PLCH1: variants seen among roughly 807,000 people sequenced by gnomAD.
The protein encoded by PLCH1 is 1-phosphatidylinositol 4,5-bisphosphate phosphodiesterase eta-1.
PLCH1 carries 60 observed loss-of-function variants against 126.7 expected under a neutral mutation model. The observed-to-expected ratio is 0.47, with a 90% confidence interval of 0.38 to 0.59. PLCH1 has a LOEUF of 0.59. Among genes scored for constraint, PLCH1 ranks in the 20% least tolerant of loss-of-function variants. PLCH1 has a pLI of 0.00. For synonymous variants in PLCH1, 719 were observed against 734.9 expected (o/e 0.98, Z 0.35); for missense variants, 1,723 against 2,040.0 (o/e 0.84, Z 2.99).
intron 12 of PLCH1, among the ~76,000 whole-genome samples, chr3:155,513,710 TG>T (rs1719922832): frequency 6.6e-6 from 1 of 152,224 alleles, no homozygotes; most frequent in African/African-American, 2.4e-5. Context: ...ATTGACCTTT[TG>T]GTTGTCTCCC....
chr3:155,526,484 T>TACACACACACACACACACA (rs774024945), intron 10 of PLCH1, among the ~76,000 whole-genome samples: 1 of 94,294 alleles, frequency 1.1e-5, no homozygotes, highest in Non-Finnish European at 2.4e-5. Flanking sequence ...TTTCTCTCTC[T>TACACACACACACACACACA]CTCATACACA....
rs750390420 is a variant in PLCH1, at chr3:155,481,199, G to C, written c.4827C>G (p.Asn1609Lys). 1.2e-6 allele frequency: 2 copies of C among 1,614,236 alleles called. No individual in the cohort carries two copies. Among genetic ancestry groups the C allele is most frequent in the South Asian group, 2.2e-5 (2 of 91,088 alleles). ...PSNGAGVVLRNKPSAPTPAVN... is the reference protein window; with the variant it reads ...PSNGAGVVLRKKPSAPTPAVN... The stretch of plus-strand genomic sequence containing the variant: ...CTGCAGGGGTGGGTGCTGAGGGTTT[G>C]TTTCTAAGAACCACTCCTGCCCCAT... Residue 1609 changes from asparagine (N) to lysine (K), a missense_variant, in exon 23 of 23, where the codon AAC becomes AAG. Physicochemically the swap from Asn to Lys is moderately conservative, Grantham distance 94. This residue lies in a region of PLCH1 where 947 missense variants were observed against 977.1 expected (regional missense o/e 0.97). Transcript: ENST00000460012. This position sits in a 1 kb window ranked among gnomAD's most constrained non-coding sequence, Gnocchi z 4.2.
rs559482571 is a variant in PLCH1 at position 155,676,084 on chromosome 3, T to G, written c.79+28062A>C. 4.8e-6 allele frequency: 7 copies of G among 1,473,272 alleles called. No homozygotes were observed. The Admixed American group carries it at 1.7e-4, about 36-fold the overall frequency. 91.3% of individuals were successfully genotyped at this position (1,473,272 alleles called of 1,614,324 possible). A position where few individuals can be genotyped will look rare whatever the true frequency, so the allele number is the denominator to read the frequency against. On this transcript the variant is annotated intron_variant, in intron 2 of 22. Coordinates refer to ENST00000460012, the MANE Select transcript of PLCH1 (RefSeq NM_014996.4). ...CATTATTGGCAAGAGCAGTACAATT[T>G]CTCTCTAAAGGCAAAGCCTTTTCCT... is the stretch of plus-strand genomic sequence containing the variant.
At chr3:155,457,592 A>T (rs1712482291) in intron 21 of PLCH1, 2 of 152,144 alleles carry the variant, frequency 1.3e-5, no homozygotes, top group South Asian at 4.2e-4. Flanking sequence ...TATTTAACCC[A>T]TGCTTGCCTT....
At chr3:155,621,672 A>C (rs551734342) in intron 2 of PLCH1, among the ~76,000 whole-genome samples, 1 of 152,338 alleles carries the variant, frequency 6.6e-6, no homozygotes, top group Admixed American at 6.5e-5. Flanking sequence ...GAGATTGAAG[A>C]TCAACTCAAT....
chr3:155,682,428 A>G (rs906411066), intron 2 of PLCH1, among the ~76,000 whole-genome samples: 1 of 152,238 alleles, frequency 6.6e-6, no homozygotes, highest in African/African-American at 2.4e-5. Flanking sequence ...TATACAAAGG[A>G]AAAGGCACTT....
chr3:155,486,244 T>C (rs1715068344), intron 21 of PLCH1: 5 of 1,311,610 alleles, frequency 3.8e-6, no homozygotes, highest in African/African-American at 1.5e-5. Flanking sequence ...AAAACACAAT[T>C]GGGGCTCATT....
chr3:155,486,280 AAAG>A (rs1376715772), intron 21 of PLCH1: 4 of 919,914 alleles, frequency 4.3e-6, no homozygotes, highest in Middle Eastern at 4.3e-4. Flanking sequence ...AGTAAACACA[AAAG>A]AAAAAATGCA....
intron 13 of PLCH1, among the ~76,000 whole-genome samples, chr3:155,502,353 C>G (rs751158907): frequency 3.9e-5 from 6 of 152,160 alleles, no homozygotes; most frequent in Admixed American, 6.5e-5. Flanking sequence ...ATTTAAAATA[C>G]TGTCAATATT....
intron 14 of PLCH1, among the ~76,000 whole-genome samples, chr3:155,499,561 G>A (rs190084512): frequency 2.0e-5 from 3 of 152,302 alleles, no homozygotes; most frequent in Non-Finnish European, 2.9e-5. Flanking sequence ...CATCATCATA[G>A]ATGCTCAGGC....
Position 155,594,139 on chromosome 3 carries a change from T to C in PLCH1, c.272A>G (p.Glu91Gly). ...IYKVTEGRQS[E>G]IFHRQAEGNF... ...CCCCTCAGCTTGTCTGTGGAATATT[T>C]CAGACTGCCGGCCCTCAGTCACTTT... The change falls in exon 4 of 23, where the codon GAA becomes GGA. Residue 91 changes from glutamate (E) to glycine (G), a missense_variant. Physicochemically the swap from Glu to Gly is moderately conservative, Grantham distance 98. Coordinates refer to ENST00000460012, the MANE Select transcript of PLCH1 (RefSeq NM_014996.4). 1 of 1,614,056 alleles carries C rather than the reference T, an allele frequency of 6.2e-7. No homozygotes were observed. Among genetic ancestry groups the C allele is most frequent in the South Asian group, 1.1e-5 (1 of 91,078 alleles).
intron 21 of PLCH1, among the ~76,000 whole-genome samples, chr3:155,468,763 T>C (rs1713027924): frequency 6.6e-6 from 1 of 152,114 alleles, no homozygotes; most frequent in South Asian, 2.1e-4. Context: ...AGCACCCAGA[T>C]ATATAAAGCA....
intron 1 of PLCH1, among the ~76,000 whole-genome samples, chr3:155,741,142 C>T (rs1233898483): frequency 1.3e-5 from 2 of 152,096 alleles, no homozygotes; most frequent in Admixed American, 1.3e-4. Flanking sequence ...TTTGGCACAC[C>T]CTACCACAGC....
intron 1 of PLCH1, among the ~76,000 whole-genome samples, chr3:155,735,633 CA>C (rs200682543): frequency 0.26 from 20,827 of 81,164 alleles, 1,525 homozygotes; most frequent in African/African-American, 0.39. Flanking sequence ...GACTCCATCT[CA>C]AAAAAAAAAA....
intron 6 of PLCH1, among the ~76,000 whole-genome samples, chr3:155,576,913 A>C (rs1730040294): frequency 6.6e-6 from 1 of 152,248 alleles, no homozygotes; most frequent in Non-Finnish European, 1.5e-5. Context: ...TGGTTTGGCC[A>C]AAGTTTTATC....
chr3:155,464,234 G>A (rs939309757), intron 21 of PLCH1, among the ~76,000 whole-genome samples: 1 of 152,174 alleles, frequency 6.6e-6, no homozygotes, highest in Non-Finnish European at 1.5e-5. Context: ...GGGCAAAAGA[G>A]GAAAGGGCAA....
At chr3:155,582,800 T>C (rs1414866141) in intron 6 of PLCH1, among the ~76,000 whole-genome samples, 3 of 152,170 alleles carry the variant, frequency 2.0e-5, no homozygotes, top group Non-Finnish European at 4.4e-5. Context: ...TCTACTTTAG[T>C]GAGAAACAGA....
intron 1 of PLCH1, among the ~76,000 whole-genome samples, chr3:155,741,693 T>TTTTTTATTTTTATTTTTA (rs1559977226): frequency 6.9e-6 from 1 of 145,652 alleles, no homozygotes; most frequent in Non-Finnish European, 1.5e-5. Flanking sequence ...TCTTTTTTTT[T>TTTTTTATTTTTATTTTTA]TTTTTTTTTT....
At chr3:155,512,777 C>T (rs143489994) in intron 12 of PLCH1, among the ~76,000 whole-genome samples, 1 of 152,310 alleles carries the variant, frequency 6.6e-6, no homozygotes, top group African/African-American at 2.4e-5. Context: ...ATCCTCCAAA[C>T]TATGAGGAGC....
Sources: allele counts gnomAD v4.1 joint callset (sites outside exome capture counted in the v4.1 genomes callset), GRCh38; gene constraint gnomAD v4.1.1; regional missense constraint gnomAD v4.1.1; non-coding constraint Gnocchi (gnomAD v3.1); transcripts MANE v1.5; gene names NCBI Gene and HGNC (gene_info 2026-07-23, HGNC 2026-07-21).